The following OSBPL1A variants were observed in gnomAD, a reference collection of about 807,000 sequenced individuals.
The protein encoded by OSBPL1A is oxysterol binding protein like 1A.
A neutral mutation model predicts 137.1 loss-of-function variants in OSBPL1A; 80 were observed. The observed-to-expected ratio is 0.58, with a 90% CI of 0.49 to 0.70. The LOEUF (loss-of-function observed/expected upper bound fraction) is 0.70. OSBPL1A is among the 30% of genes least tolerant of loss of function. The pLI is 0.00. For synonymous variants in OSBPL1A, 365 were observed against 389.7 expected (o/e 0.94, Z 0.75); for missense variants, 970 against 1,129.4 (o/e 0.86, Z 2.02).
At chr18:24,267,520 A>G (rs1253270052) in intron 15 of OSBPL1A, among the ~76,000 whole-genome samples, 1 of 152,156 alleles carries the variant, frequency 6.6e-6, no homozygotes, top group Admixed American at 6.6e-5. Flanking sequence ...TACATACTAA[A>G]ATAGATACTA....
intron 23 of OSBPL1A, among the ~76,000 whole-genome samples, chr18:24,171,200 A>G (rs887551450): frequency 6.6e-6 from 1 of 151,364 alleles, no homozygotes; most frequent in African/African-American, 2.4e-5. Flanking sequence ...TGCCTGGCTA[A>G]TTTTTTTGTA....
At chr18:24,205,545 A>G (rs917949294) in intron 17 of OSBPL1A, among the ~76,000 whole-genome samples, 1 of 152,200 alleles carries the variant, frequency 6.6e-6, no homozygotes, top group Admixed American at 6.5e-5. Flanking sequence ...TTAAATATGG[A>G]AATTGGTCAG....
chr18:24,213,903 T>G (rs7241948), intron 17 of OSBPL1A, among the ~76,000 whole-genome samples: 62,597 of 152,104 alleles, frequency 0.41, 13,144 homozygotes, highest in Middle Eastern at 0.52. Context: ...TTTATCACCA[T>G]AACTGGATTA....
In OSBPL1A at chr18:24,321,597, A is replaced by G. The variant is rs114117652; in HGVS notation, c.626-2788T>C. The G allele has an allele frequency of 3.0e-3, 1,383 of 457,682 alleles. 20 individuals are homozygous for G. Among genetic ancestry groups the G allele is most frequent in the African/African-American group, 0.025 (1,254 of 49,182 alleles). The allele number at this position is 457,682 out of a possible 1,614,324, so 28.4% of individuals were successfully genotyped here. ...AGCTACTGTACCTGGCCTTAAGTGTATTTTCAATTTACAATGGTTCTATGA... is the reference window on the plus strand; with the variant it reads ...AGCTACTGTACCTGGCCTTAAGTGTGTTTTCAATTTACAATGGTTCTATGA... On this transcript the variant is annotated intron_variant, in intron 7 of 27. Coordinates refer to ENST00000319481, the MANE Select transcript of OSBPL1A (RefSeq NM_080597.4).
chr18:24,199,342 G>A (rs1359686963), intron 17 of OSBPL1A, among the ~76,000 whole-genome samples: 2 of 152,064 alleles, frequency 1.3e-5, no homozygotes, highest in Non-Finnish European at 2.9e-5. Flanking sequence ...TCGGAGAGAG[G>A]GCCTGAGATG....
At chr18:24,253,409 C>A (rs1262880996) in intron 15 of OSBPL1A, among the ~76,000 whole-genome samples, 2 of 152,020 alleles carry the variant, frequency 1.3e-5, no homozygotes, top group Non-Finnish European at 2.9e-5. Flanking sequence ...GAAGTAAATC[C>A]AGCAGCAGGA....
intron 15 of OSBPL1A, among the ~76,000 whole-genome samples, chr18:24,267,502 TATAAAC>T (rs1176520389): frequency 6.6e-6 from 1 of 152,110 alleles, no homozygotes; most frequent in Non-Finnish European, 1.5e-5. Context: ...CAATCTTACT[TATAAAC>T]ATACATACTA....
chr18:24,313,454 T>C (rs1274540404), intron 12 of OSBPL1A, among the ~76,000 whole-genome samples: 3 of 151,822 alleles, frequency 2.0e-5, no homozygotes, highest in Non-Finnish European at 4.4e-5. Flanking sequence ...GATAGTCCAT[T>C]AAGTGACTGC....
At chr18:24,261,834 A>C (rs1297984597) in intron 15 of OSBPL1A, among the ~76,000 whole-genome samples, 2 of 152,218 alleles carry the variant, frequency 1.3e-5, no homozygotes, top group Non-Finnish European at 2.9e-5. Flanking sequence ...CCTGGGCGAC[A>C]GAGCAAGACT....
chr18:24,288,923 GAAC>G (rs1278908737), intron 14 of OSBPL1A, among the ~76,000 whole-genome samples: 1 of 152,166 alleles, frequency 6.6e-6, no homozygotes, highest in Non-Finnish European at 1.5e-5. Context: ...TCTATAGCCT[GAAC>G]ACACCCAATC....
intron 15 of OSBPL1A, among the ~76,000 whole-genome samples, chr18:24,268,796 C>A (rs2089645397): frequency 6.6e-6 from 1 of 152,174 alleles, no homozygotes; most frequent in Non-Finnish European, 1.5e-5. Flanking sequence ...TCCTAGGTAA[C>A]ATTATTCGTT....
At chr18:24,284,609 C>T (rs921341177) in intron 14 of OSBPL1A, among the ~76,000 whole-genome samples, 4 of 135,438 alleles carry the variant, frequency 3.0e-5, no homozygotes, top group African/African-American at 1.1e-4. Flanking sequence ...TACAGACAAC[C>T]TCCACTGTTA....
At chr18:24,192,859 T>C (rs1287955892) in intron 18 of OSBPL1A, among the ~76,000 whole-genome samples, 1 of 152,196 alleles carries the variant, frequency 6.6e-6, no homozygotes, top group East Asian at 1.9e-4. Flanking sequence ...AATGATATCA[T>C]CATAGCATAC....
chr18:24,341,306 C>T (rs57319564), intron 5 of OSBPL1A, among the ~76,000 whole-genome samples: 2,682 of 152,210 alleles, frequency 0.018, 80 homozygotes, highest in African/African-American at 0.062. Flanking sequence ...CGCACCCAGC[C>T]TGAAAAACAG....
intron 18 of OSBPL1A, among the ~76,000 whole-genome samples, chr18:24,188,479 G>C (rs1325773525): frequency 6.6e-6 from 1 of 152,180 alleles, no homozygotes; most frequent in African/African-American, 2.4e-5. Context: ...CATTTGAAAA[G>C]CTGCTAAAAT....
intron 26 of OSBPL1A, among the ~76,000 whole-genome samples, chr18:24,165,934 G>C (rs1386307142): frequency 6.6e-6 from 1 of 151,924 alleles, no homozygotes; most frequent in Non-Finnish European, 1.5e-5. Context: ...CCATTTCCAC[G>C]AAAAATACAA....
chr18:24,200,288 G>A (rs1477438377), intron 17 of OSBPL1A, among the ~76,000 whole-genome samples: 1 of 152,146 alleles, frequency 6.6e-6, no homozygotes, highest in African/African-American at 2.4e-5. Flanking sequence ...ATCAGGCCGG[G>A]CGCCATGGCT....
At chr18:24,342,549 A>G (rs111667589) in intron 4 of OSBPL1A, among the ~76,000 whole-genome samples, 44 of 152,280 alleles carry the variant, frequency 2.9e-4, no homozygotes, top group African/African-American at 9.6e-4. Context: ...CTGTGTTGCT[A>G]CACGTTATGC....
intron 17 of OSBPL1A, among the ~76,000 whole-genome samples, chr18:24,211,197 C>T (rs1307388259): frequency 6.6e-6 from 1 of 151,762 alleles, no homozygotes; most frequent in Non-Finnish European, 1.5e-5. Context: ...GAACTCCTGA[C>T]CTCAGGCAAT....
Sources: gnomAD v4.1 joint callset for allele counts (sites outside exome capture counted in the v4.1 genomes callset) on GRCh38, gnomAD v4.1.1 for gene constraint, MANE v1.5 for transcripts, NCBI Gene and HGNC (gene_info 2026-07-23, HGNC 2026-07-21) for gene names.